The following IPO5 variants were observed in gnomAD, a reference collection of about 807,000 sequenced individuals.
IPO5 encodes the protein importin 5.
In IPO5, 18 loss-of-function variants were observed where a neutral mutation model predicts 143.3. That is an observed-to-expected ratio of 0.13 (90% CI 0.09 to 0.19). IPO5 has a LOEUF of 0.19. Ranked by LOEUF, IPO5 falls within the 10% of genes least tolerant of loss-of-function variation. The probability of loss-of-function intolerance (pLI) is 1.00; values close to 1 mark genes in which losing one functional copy is unlikely to be tolerated. For missense variants in IPO5, 1,013 were observed against 1,336.9 expected (o/e 0.76, Z 3.78); for synonymous variants, 477 against 465.7 (o/e 1.02, Z -0.31).
intron 28 of IPO5, chr13:98,021,408 G>GA (rs889258157): frequency 0.012 from 4,028 of 327,902 alleles, no homozygotes; most frequent in Middle Eastern, 0.019. Flanking sequence ...CCTATCTTAA[G>GA]AAAAAAAAAC....
At chr13:97,969,175 A>ATATATATATATATATT (rs1234384302) in intron 2 of IPO5, among the ~76,000 whole-genome samples, 6 of 43,896 alleles carry the variant, frequency 1.4e-4, no homozygotes, top group Admixed American at 2.7e-4. Flanking sequence ...ATATATATAT[A>ATATATATATATATATT]TTTTTTTTTT....
intron 2 of IPO5, among the ~76,000 whole-genome samples, chr13:97,962,138 A>T (rs1331929115): frequency 6.6e-6 from 1 of 152,110 alleles, no homozygotes; most frequent in Admixed American, 6.6e-5. Flanking sequence ...CAAAAAATAT[A>T]CATTATTTGC....
At chr13:97,995,760 T>TAAC (rs954844748) in intron 11 of IPO5, among the ~76,000 whole-genome samples, 4 of 151,114 alleles carry the variant, frequency 2.6e-5, no homozygotes, top group Non-Finnish European at 5.9e-5. Flanking sequence ...GTCTCAAAAA[T>TAAC]AATAATAATA....
At chr13:98,009,823 C>T (rs951791632) in intron 18 of IPO5, 58 bp from the exon 19 acceptor site, 1 of 1,313,800 alleles carries the variant, frequency 7.6e-7, no homozygotes, top group Non-Finnish European at 1.1e-6. Context: ...AAATGGCTTT[C>T]TTTATCACGT....
At chr13:98,002,338 T>C in intron 13 of IPO5, 129 bp from the exon 14 acceptor site, 1 of 779,528 alleles carries the variant, frequency 1.3e-6, no homozygotes, top group South Asian at 2.0e-5. Context: ...TTATATTATA[T>C]ATACATATAC....
chr13:97,989,269 A>G lies in IPO5; in HGVS notation c.467+105A>G, dbSNP rs1419085041. The G allele has an allele frequency of 8.6e-6, 5 of 579,588 alleles. No homozygotes were observed. In the East Asian group the frequency reaches 9.7e-5, roughly 11 times the overall value. The allele number at this position is 579,588 out of a possible 1,614,324, so 35.9% of individuals were successfully genotyped here. On this transcript the variant is annotated intron_variant, in intron 7 of 28. Transcript: ENST00000651721. ...AATTTAACCTTATACTTAAAATGAT[A>G]ATAATGCCTTTACATAAGTTTTGTT...
intron 2 of IPO5, among the ~76,000 whole-genome samples, chr13:97,963,645 GGT>G (rs921874177): frequency 6.6e-6 from 1 of 152,118 alleles, no homozygotes; most frequent in Non-Finnish European, 1.5e-5. Context: ...TAGGATTATA[GGT>G]GTGAGCCACT....
intron 8 of IPO5, 89 bp from the exon 9 acceptor site, chr13:97,990,344 T>C (rs995975759): frequency 3.4e-6 from 4 of 1,184,074 alleles, no homozygotes; most frequent in Non-Finnish European, 4.9e-6. Flanking sequence ...GTTTTACTGA[T>C]AAAGAATAAT....
chr13:98,020,699 A>C (rs1378146043), intron 27 of IPO5, among the ~76,000 whole-genome samples: 1 of 152,212 alleles, frequency 6.6e-6, no homozygotes, highest in African/African-American at 2.4e-5. Flanking sequence ...TGTAGTAGCA[A>C]AATAAAACTT....
chr13:97,959,722 G>T (rs137904868), intron 2 of IPO5, among the ~76,000 whole-genome samples: 1,716 of 152,168 alleles, frequency 0.011, 28 homozygotes, highest in African/African-American at 0.039. Flanking sequence ...TGACGGACTG[G>T]GACTCTGTCT....
intron 7 of IPO5, 41 bp downstream of exon 7, chr13:97,989,205 T>A: frequency 9.0e-7 from 1 of 1,117,230 alleles, no homozygotes; most frequent in Non-Finnish European, 1.4e-6. Context: ...TTTGATTTAA[T>A]GAATGCCCTA....
Position 98,023,727 on chromosome 13 carries a change from C to G in IPO5, c.*1905C>G, listed in dbSNP as rs936585707. On this transcript the variant is annotated 3_prime_UTR_variant, in exon 29 of 29. Transcript: ENST00000651721. ...GGTTCTAAGAGCTCTGAAAGAAGCGCTCTGTTAGATGCAGACTGGCAGCAT... is the reference window on the plus strand; with the variant it reads ...GGTTCTAAGAGCTCTGAAAGAAGCGGTCTGTTAGATGCAGACTGGCAGCAT... The G allele has an allele frequency of 6.6e-6, 1 of 152,116 alleles. No homozygotes were observed. Among genetic ancestry groups the G allele is most frequent in the Non-Finnish European group, 1.5e-5 (1 of 68,026 alleles). The allele number at this position is 152,116 out of a possible 1,614,324, so 9.4% of individuals were successfully genotyped here.
At chr13:97,996,450 A>T (rs900398608) in intron 11 of IPO5, among the ~76,000 whole-genome samples, 3 of 152,164 alleles carry the variant, frequency 2.0e-5, no homozygotes, top group African/African-American at 7.2e-5. Flanking sequence ...CAGAAGTTTG[A>T]CAGTATCAAT....
At chr13:98,011,069 C>T (rs1272248333) in intron 20 of IPO5, among the ~76,000 whole-genome samples, 1 of 151,856 alleles carries the variant, frequency 6.6e-6, no homozygotes, top group African/African-American at 2.4e-5. Context: ...TGCACCTGGC[C>T]AATACTTACT....
chr13:97,999,001 G>T (rs1456843516), intron 12 of IPO5, among the ~76,000 whole-genome samples: 1 of 151,892 alleles, frequency 6.6e-6, no homozygotes, highest in East Asian at 1.9e-4. Context: ...AAATTAGCCG[G>T]GCCTGGTGGC....
intron 12 of IPO5, among the ~76,000 whole-genome samples, chr13:98,000,112 G>T (rs1171011766): frequency 6.6e-6 from 1 of 152,004 alleles, no homozygotes; most frequent in African/African-American, 2.4e-5. Flanking sequence ...GTGAAACCCC[G>T]TCTCTACTAA....
intron 16 of IPO5, 75 bp from the exon 17 acceptor site, chr13:98,006,054 GA>G: frequency 1.0e-6 from 1 of 959,870 alleles, no homozygotes. Context: ...TCAAGAACTT[GA>G]AGGGAGTAGT....
intron 24 of IPO5, 113 bp downstream of exon 24, chr13:98,015,894 T>C: frequency 1.5e-6 from 1 of 676,854 alleles, no homozygotes; most frequent in Non-Finnish European, 2.6e-6. Context: ...TATCAGTCTT[T>C]AGCAGAGGAG....
At chr13:98,015,499 A>G in intron 22 of IPO5, 31 bp from the exon 23 acceptor site, 1 of 1,316,332 alleles carries the variant, frequency 7.6e-7, no homozygotes, top group Non-Finnish European at 1.1e-6. Flanking sequence ...CCCAAATCTT[A>G]TGGATTGCTT....
Sources: allele counts gnomAD v4.1 joint callset (sites outside exome capture counted in the v4.1 genomes callset), GRCh38; gene constraint gnomAD v4.1.1; transcripts MANE v1.5; gene names NCBI Gene and HGNC (gene_info 2026-07-23, HGNC 2026-07-21).